ZNF385D: variants seen among roughly 807,000 people sequenced by gnomAD.
The protein encoded by ZNF385D is zinc finger protein 659.
A neutral mutation model predicts 35.8 loss-of-function variants in ZNF385D; 15 were observed. The observed-to-expected ratio is 0.42, with a 90% CI of 0.28 to 0.64. ZNF385D has a LOEUF of 0.64. Ranked by LOEUF, ZNF385D falls within the 30% of genes least tolerant of loss-of-function variation. The probability of loss-of-function intolerance (pLI) is 0.23; values close to 1 mark genes in which losing one functional copy is unlikely to be tolerated. For missense variants in ZNF385D, 474 were observed against 494.6 expected, an observed-to-expected ratio of 0.96 and a Z score of 0.39; for synonymous variants, 212 against 186.8, an observed-to-expected ratio of 1.13 and a Z score of -1.10.
chr3:21,995,592 C>G (rs1313417047), intron 3 of ZNF385D, among the ~76,000 whole-genome samples: 1 of 151,926 alleles, frequency 6.6e-6, no homozygotes, highest in African/African-American at 2.4e-5. Context: ...GCAGGTCTTT[C>G]TTCAGGTCCT....
intron 3 of ZNF385D, among the ~76,000 whole-genome samples, chr3:22,144,303 G>C (rs1185576318): frequency 6.6e-6 from 1 of 152,002 alleles, no homozygotes; most frequent in East Asian, 1.9e-4. Context: ...GTCAGGCATG[G>C]GAGCTCACAC....
intron 3 of ZNF385D, among the ~76,000 whole-genome samples, chr3:22,155,386 A>T (rs1705520424): frequency 6.6e-6 from 1 of 151,926 alleles, no homozygotes; most frequent in Non-Finnish European, 1.5e-5. Context: ...TACTCTTAAG[A>T]TTTTTTTCTG....
intron 2 of ZNF385D, among the ~76,000 whole-genome samples, chr3:21,605,310 A>G (rs1380404622): frequency 6.6e-6 from 1 of 152,228 alleles, no homozygotes; most frequent in Non-Finnish European, 1.5e-5. Context: ...CTCAGTATAA[A>G]TGTTGAGCAA....
intron 2 of ZNF385D, among the ~76,000 whole-genome samples, chr3:22,202,784 C>T (rs893453429): frequency 6.6e-6 from 1 of 152,072 alleles, no homozygotes; most frequent in Non-Finnish European, 1.5e-5. Context: ...TTTGCATGGG[C>T]AGGCTGTGCT....
chr3:21,628,544 C>T (rs576332659), intron 2 of ZNF385D, among the ~76,000 whole-genome samples: 2 of 152,116 alleles, frequency 1.3e-5, no homozygotes, highest in East Asian at 1.9e-4. Flanking sequence ...AAAAGGTAGT[C>T]GCTTAATGTC....
intron 2 of ZNF385D, among the ~76,000 whole-genome samples, chr3:22,284,211 G>C (rs1011382514): frequency 2.0e-5 from 3 of 151,936 alleles, no homozygotes; most frequent in Non-Finnish European, 2.9e-5. Flanking sequence ...TTTTGTTTTT[G>C]AGACGGAGTC....
intron 3 of ZNF385D, among the ~76,000 whole-genome samples, chr3:21,858,406 G>T (rs1053401927): frequency 4.6e-5 from 7 of 151,818 alleles, no homozygotes; most frequent in African/African-American, 1.5e-4. Flanking sequence ...CCTACCCCCA[G>T]ATTCACATGT....
At chr3:21,925,653 C>A (rs1382010550) in intron 3 of ZNF385D, among the ~76,000 whole-genome samples, 3 of 152,116 alleles carry the variant, frequency 2.0e-5, no homozygotes, top group Admixed American at 1.3e-4. Flanking sequence ...CAAGTAGTTA[C>A]TTTCCGAAAG....
chr3:22,217,309 C>T (rs1697950314), intron 2 of ZNF385D, among the ~76,000 whole-genome samples: 1 of 152,212 alleles, frequency 6.6e-6, no homozygotes, highest in East Asian at 1.9e-4. Context: ...CATGGGTGCC[C>T]CATCATGCGA....
intron 3 of ZNF385D, among the ~76,000 whole-genome samples, chr3:21,773,191 G>A (rs2071147917): frequency 6.6e-6 from 1 of 151,830 alleles, no homozygotes; most frequent in Non-Finnish European, 1.5e-5. Flanking sequence ...GTGAAAAGTG[G>A]TTAAGATGGT....
At chr3:21,883,659 T>G (rs913606218) in intron 3 of ZNF385D, among the ~76,000 whole-genome samples, 1 of 152,066 alleles carries the variant, frequency 6.6e-6, no homozygotes, top group Non-Finnish European at 1.5e-5. Flanking sequence ...GTTTTGTTGA[T>G]GCACGATGCT....
chr3:21,531,373 C>T (rs1239928478), intron 3 of ZNF385D, among the ~76,000 whole-genome samples: 3 of 152,164 alleles, frequency 2.0e-5, no homozygotes, highest in African/African-American at 7.2e-5. Context: ...TAAACATACT[C>T]TTACCGTATA....
intron 1 of ZNF385D, among the ~76,000 whole-genome samples, chr3:21,672,491 AC>A (rs2066605940): frequency 6.6e-6 from 1 of 152,048 alleles, no homozygotes. Flanking sequence ...CCTGCTTATG[AC>A]CACAGAGAGG....
intron 3 of ZNF385D, among the ~76,000 whole-genome samples, chr3:21,528,990 A>T (rs1047698196): frequency 1.3e-5 from 2 of 152,236 alleles, no homozygotes; most frequent in Non-Finnish European, 2.9e-5. Flanking sequence ...TTCTTTAGAA[A>T]GACTAGAGTA....
chr3:21,472,438 C>T lies in ZNF385D; in HGVS notation c.440-35235G>A, dbSNP rs191803763. Among the ~76,000 whole-genome samples the T allele has an allele frequency of 2.4e-3, 369 of 152,272 alleles. 3 individuals are homozygous for T. Among genetic ancestry groups the T allele is most frequent in the African/African-American group, 8.2e-3 (342 of 41,574 alleles). On this transcript the variant is annotated intron_variant, in intron 4 of 7. Coordinates refer to ENST00000281523, the MANE Select transcript of ZNF385D (RefSeq NM_024697.3). ...TCAACTCCAATTTAGGAAATCTGAT[C>T]ATCAGCCGTAAATGGCTACACTATG...
At chr3:22,118,798 T>C (rs771318291) in intron 3 of ZNF385D, among the ~76,000 whole-genome samples, 2 of 152,158 alleles carry the variant, frequency 1.3e-5, no homozygotes, top group Admixed American at 6.6e-5. Context: ...AGGAACATGA[T>C]GTAAGCACTA....
intron 3 of ZNF385D, among the ~76,000 whole-genome samples, chr3:22,118,395 C>A (rs918238213): frequency 2.0e-5 from 3 of 151,926 alleles, no homozygotes; most frequent in African/African-American, 4.8e-5. Flanking sequence ...AAGTAGAAAT[C>A]CAAGCATGAT....
chr3:21,805,682 A>C (rs545169276), intron 3 of ZNF385D, among the ~76,000 whole-genome samples: 16 of 152,270 alleles, frequency 1.1e-4, no homozygotes, highest in Admixed American at 9.2e-4. Context: ...ATCCTGTCCT[A>C]ATTTTCCTCA....
In ZNF385D at chr3:21,418,265, C is replaced by G. The variant is rs1357690393; in HGVS notation, c.*2949G>C. 2 of 152,182 alleles carry G rather than the reference C, an allele frequency of 1.3e-5. No individual in the cohort carries two copies. The highest frequency in any genetic ancestry group is 2.9e-5 in the Non-Finnish European group (2 of 68,016). The allele number at this position is 152,182 out of a possible 1,614,324, so 9.4% of individuals were successfully genotyped here. ...CACCCTCAGGGATTTTCACAGCACACTGCTGACCAATCTAAATTGTGGATC... is the reference window on the plus strand; with the variant it reads ...CACCCTCAGGGATTTTCACAGCACAGTGCTGACCAATCTAAATTGTGGATC... On this transcript the variant is annotated 3_prime_UTR_variant, in exon 8 of 8. Transcript: ENST00000281523.
Sources: gnomAD v4.1 joint callset for allele counts (sites outside exome capture counted in the v4.1 genomes callset) on GRCh38, gnomAD v4.1.1 for gene constraint, MANE v1.5 for transcripts, NCBI Gene and HGNC (gene_info 2026-07-23, HGNC 2026-07-21) for gene names.